The following RGS6 variants were observed in gnomAD, a reference collection of about 807,000 sequenced individuals.
RGS6 encodes the protein regulator of G protein signaling 6.
RGS6 carries 30 observed loss-of-function variants against 78.5 expected under a neutral mutation model. The ratio of observed to expected loss-of-function variants is 0.38; its 90% CI spans 0.29 to 0.52. The LOEUF (loss-of-function observed/expected upper bound fraction) is 0.52, where lower values mean the gene tolerates loss of function less well. Ranked by LOEUF, RGS6 falls within the 20% of genes least tolerant of loss-of-function variation. The probability of loss-of-function intolerance (pLI) is 0.85; values close to 1 mark genes in which losing one functional copy is unlikely to be tolerated. For synonymous variants in RGS6, 206 were observed against 206.0 expected (o/e 1.00, Z 0.00); for missense variants, 495 against 609.7 (o/e 0.81, Z 1.98).
chr14:72,024,886 T>G (rs1160672512), intron 2 of RGS6, among the ~76,000 whole-genome samples: 1 of 152,196 alleles, frequency 6.6e-6, no homozygotes, highest in African/African-American at 2.4e-5. Context: ...AGCAATGTCC[T>G]ATAGAAGGAG....
In RGS6 at chr14:72,474,629, G is replaced by A; in HGVS notation, c.623G>A (p.Gly208Asp). Residue 208 changes from glycine (G) to aspartate (D), a missense_variant, in exon 10 of 18, where the codon GGC (glycine) becomes GAC (aspartate). Physicochemically the swap from Gly to Asp is moderately conservative, Grantham distance 94. Coordinates refer to ENST00000553525, the MANE Select transcript of RGS6 (RefSeq NM_001204424.2). Reference sequence around the variant, plus strand: ...GATGTGTTTTTTTTTTCTCAGCCAGGCTGTGTGAACACAACAGAAATGGAT... The same window carrying A: ...GATGTGTTTTTTTTTTCTCAGCCAGACTGTGTGAACACAACAGAAATGGAT... ...AFWDVHRPVP[G>D]CVNTTEMDIR... is the part of the protein sequence containing the mutation. 1 of 1,607,036 alleles carries A rather than the reference G, an allele frequency of 6.2e-7. No homozygotes were observed. Among genetic ancestry groups the A allele is most frequent in the Non-Finnish European group, 8.5e-7 (1 of 1,177,746 alleles).
At chr14:72,246,544 A>C (rs2054261533) in intron 2 of RGS6, among the ~76,000 whole-genome samples, 2 of 152,234 alleles carry the variant, frequency 1.3e-5, no homozygotes, top group Admixed American at 1.3e-4. Flanking sequence ...TTGAATGTAC[A>C]TACAAAATTT....
intron 2 of RGS6, among the ~76,000 whole-genome samples, chr14:72,204,883 C>A (rs2042365397): frequency 6.6e-6 from 1 of 152,130 alleles, no homozygotes; most frequent in South Asian, 2.1e-4. Flanking sequence ...GGGGAGCACC[C>A]CCAAGTTTCT....
At chr14:72,586,338 C>T in the RGS6 span, among the ~76,000 whole-genome samples, 2 of 152,138 alleles carry the variant, frequency 1.3e-5, no homozygotes, top group South Asian at 4.1e-4. Context: ...TGAGTTAGCT[C>T]TCACTCTTAG....
At chr14:72,095,214 A>G (rs921078488) in intron 2 of RGS6, among the ~76,000 whole-genome samples, 3 of 152,040 alleles carry the variant, frequency 2.0e-5, no homozygotes, top group Non-Finnish European at 2.9e-5. Context: ...TTAACAAATA[A>G]TTTAGCCCTA....
intron 2 of RGS6, among the ~76,000 whole-genome samples, chr14:71,965,138 A>G (rs537120406): frequency 6.6e-6 from 1 of 152,356 alleles, no homozygotes; most frequent in African/African-American, 2.4e-5. Flanking sequence ...GGGAAGACAC[A>G]TTCTCCTTCA....
intron 2 of RGS6, among the ~76,000 whole-genome samples, chr14:71,987,996 T>A (rs2094794362): frequency 6.6e-6 from 1 of 152,156 alleles, no homozygotes; most frequent in Non-Finnish European, 1.5e-5. Context: ...ATCTGCTTGT[T>A]GACTCTGCCA....
rs117859404 is a variant in RGS6, at chr14:72,310,129, C to G, written c.85-41966C>G. ...TGACCCTCCAGCACCTTCTCCACCC[C>G]GGTGTTCCCATAGCCCTGTGCACTG... On this transcript the variant is annotated intron_variant, in intron 2 of 17. Coordinates refer to ENST00000553525, the MANE Select transcript of RGS6 (RefSeq NM_001204424.2). Among the ~76,000 whole-genome samples, 732 of 152,314 alleles carry G rather than the reference C, an allele frequency of 4.8e-3. 35 individuals carry two copies. The East Asian group carries it at 0.094, about 20-fold the overall frequency.
At chr14:72,261,123 A>G (rs1386965106) in intron 2 of RGS6, among the ~76,000 whole-genome samples, 2 of 152,212 alleles carry the variant, frequency 1.3e-5, no homozygotes, top group Non-Finnish European at 2.9e-5. Flanking sequence ...TAGAGGGTCC[A>G]TGTGGGCCTC....
chr14:72,381,539 A>C (rs2086103199), intron 3 of RGS6, among the ~76,000 whole-genome samples: 1 of 152,154 alleles, frequency 6.6e-6, no homozygotes, highest in Non-Finnish European at 1.5e-5. Flanking sequence ...GCAGTAGAAG[A>C]CCATCTTTCA....
At chr14:72,592,489 G>A in the RGS6 span, among the ~76,000 whole-genome samples, 1 of 152,230 alleles carries the variant, frequency 6.6e-6, no homozygotes, top group African/African-American at 2.4e-5. Flanking sequence ...CAATAGACAT[G>A]ACATTCCAAT....
At chr14:71,918,354 T>C in the RGS6 span, among the ~76,000 whole-genome samples, 4 of 152,280 alleles carry the variant, frequency 2.6e-5, no homozygotes, top group African/African-American at 9.6e-5. Context: ...CATAGTGAAA[T>C]TAAAGGCTGC....
chr14:72,359,031 C>T (rs1035114926), intron 3 of RGS6, among the ~76,000 whole-genome samples: 10 of 152,154 alleles, frequency 6.6e-5, no homozygotes, highest in African/African-American at 2.2e-4. Flanking sequence ...TTATAACGGG[C>T]TTTTCCTCTA....
chr14:72,146,053 C>T (rs79187009), intron 2 of RGS6, among the ~76,000 whole-genome samples: 6,001 of 152,192 alleles, frequency 0.039, 162 homozygotes, highest in East Asian at 0.083. Context: ...AGTTAATGGG[C>T]TGTCATTTGG....
At chr14:72,163,882 C>CAAAA (rs35453428) in intron 2 of RGS6, among the ~76,000 whole-genome samples, 2 of 124,680 alleles carry the variant, frequency 1.6e-5, no homozygotes, top group African/African-American at 6.1e-5. Flanking sequence ...GACTCCATCT[C>CAAAA]AAAAAAAAAA....
At chr14:72,532,028 C>T (rs1302547050) in intron 15 of RGS6, among the ~76,000 whole-genome samples, 1 of 152,170 alleles carries the variant, frequency 6.6e-6, no homozygotes, top group African/African-American at 2.4e-5. Context: ...GTCTTAGATT[C>T]CATATACAGG....
At chr14:72,454,021 C>T (rs1290697433) in intron 3 of RGS6, among the ~76,000 whole-genome samples, 1 of 152,334 alleles carries the variant, frequency 6.6e-6, no homozygotes, top group East Asian at 1.9e-4. Context: ...CTAGCTATGG[C>T]ACAGTGAGGA....
At chr14:71,893,649 A>G in the RGS6 span, among the ~76,000 whole-genome samples, 2 of 152,228 alleles carry the variant, frequency 1.3e-5, no homozygotes, top group South Asian at 2.1e-4. Flanking sequence ...TTTGTATTAC[A>G]CAGTAGGATT....
At chr14:72,179,983 A>G (rs1221319577) in intron 2 of RGS6, among the ~76,000 whole-genome samples, 1 of 152,214 alleles carries the variant, frequency 6.6e-6, no homozygotes, top group Non-Finnish European at 1.5e-5. Context: ...CCTTATTCTA[A>G]TGGGTCAGGT....
Sources: allele counts gnomAD v4.1 joint callset (sites outside exome capture counted in the v4.1 genomes callset), GRCh38; gene constraint gnomAD v4.1.1; transcripts MANE v1.5; gene names NCBI Gene and HGNC (gene_info 2026-07-23, HGNC 2026-07-21).